Variants in ACP6 observed in about 807,000 individuals in gnomAD.
ACP6 encodes acid phosphatase 6, lysophosphatidic.
In ACP6, 48 loss-of-function variants were observed where a neutral mutation model predicts 48.1. The ratio of observed to expected loss-of-function variants is 1.00; its 90% CI spans 0.79 to 1.27. ACP6 has a LOEUF of 1.27. Ranked by LOEUF, ACP6 falls within the 50% of genes most tolerant of loss-of-function variation. The pLI is 0.00. For missense variants in ACP6, 485 were observed against 529.1 expected, an observed-to-expected ratio of 0.92 and a Z score of 0.82; for synonymous variants, 172 against 204.2, an observed-to-expected ratio of 0.84 and a Z score of 1.34.
intron 8 of ACP6, among the ~76,000 whole-genome samples, chr1:147,649,341 C>T (rs1570951746): frequency 6.6e-6 from 1 of 152,150 alleles, no homozygotes; most frequent in Non-Finnish European, 1.5e-5. Flanking sequence ...TGTTTTCCTG[C>T]AGAACGCACT....
chr1:147,660,650 A>T (rs2148913114), intron 1 of ACP6, among the ~76,000 whole-genome samples: 1 of 152,326 alleles, frequency 6.6e-6, no homozygotes, highest in South Asian at 2.1e-4. Context: ...AAACCTTATT[A>T]GTGCCTGTGA....
Position 147,670,224 on chromosome 1 carries a change from T to C in ACP6, c.-176A>G. ...TCCCGGCCCTGAGGGAGACCCCGAGTGGGAACGGGGGAGAGAACAAGAGGT... is the reference window on the plus strand; with the variant it reads ...TCCCGGCCCTGAGGGAGACCCCGAGCGGGAACGGGGGAGAGAACAAGAGGT... On this transcript the variant is annotated 5_prime_UTR_variant, in exon 1 of 10. Transcript: ENST00000583509. The C allele has an allele frequency of 5.0e-6, 3 of 600,020 alleles. No homozygotes were observed. The highest frequency in any genetic ancestry group is 8.6e-6 in the Non-Finnish European group (3 of 347,944). The allele number at this position is 600,020 out of a possible 1,614,324, so 37.2% of individuals were successfully genotyped here. A position where few individuals can be genotyped will look rare whatever the true frequency, so the allele number is the denominator to read the frequency against.
chr1:147,669,126 T>C (rs2148919557), intron 1 of ACP6, among the ~76,000 whole-genome samples: 1 of 152,228 alleles, frequency 6.6e-6, no homozygotes, highest in East Asian at 1.9e-4. Flanking sequence ...TTAGTCATAA[T>C]TATCCTGACA....
chr1:147,650,275 C>T (rs782299810), intron 7 of ACP6, 37 bp from the exon 8 acceptor site: 2 of 1,479,674 alleles, frequency 1.4e-6, no homozygotes, highest in Non-Finnish European at 1.8e-6. Context: ...ACCTAGAGGG[C>T]ACTCAGCATT....
chr1:147,633,911 T>C (rs149254484), intron 5 of ACP6, among the ~76,000 whole-genome samples: 1 of 152,354 alleles, frequency 6.6e-6, no homozygotes, highest in Non-Finnish European at 1.5e-5. Context: ...TAAGTATACA[T>C]TAATGTGTTA....
intron 5 of ACP6, among the ~76,000 whole-genome samples, chr1:147,632,690 T>C (rs1304756177): frequency 1.3e-5 from 2 of 152,094 alleles, no homozygotes; most frequent in Non-Finnish European, 2.9e-5. Context: ...TGGGAAACAA[T>C]TGGGACCCAC....
downstream of ACP6, among the ~76,000 whole-genome samples, chr1:147,638,479 A>T (rs184759687): frequency 6.6e-6 from 1 of 152,264 alleles, no homozygotes; most frequent in East Asian, 1.9e-4. Flanking sequence ...ATATATATGT[A>T]TATACATATA....
chr1:147,640,784 C>A (rs782773599), downstream of ACP6, among the ~76,000 whole-genome samples: 1 of 152,148 alleles, frequency 6.6e-6, no homozygotes, highest in African/African-American at 2.4e-5. Context: ...AAAGGCCAAA[C>A]GGAGAGCGGA....
At chr1:147,639,268 T>C (rs113757638), downstream of ACP6, among the ~76,000 whole-genome samples, 1,203 of 152,202 alleles carry the variant, frequency 7.9e-3, 16 homozygotes, top group African/African-American at 0.027. Flanking sequence ...TGTTCCATAA[T>C]GTTACCTTAC....
At chr1:147,655,125 T>C (rs1553211356) in intron 5 of ACP6, 36 bp downstream of exon 5, 2 of 1,529,206 alleles carry the variant, frequency 1.3e-6, no homozygotes, top group Non-Finnish European at 1.8e-6. Context: ...TAAAAGGTTG[T>C]CCCCAACTGG....
intron 8 of ACP6, among the ~76,000 whole-genome samples, chr1:147,649,219 C>T (rs1553210085): frequency 6.6e-6 from 1 of 152,178 alleles, no homozygotes; most frequent in African/African-American, 2.4e-5. Flanking sequence ...AGTGCTTCTC[C>T]AAAATTCAGG....
At chr1:147,639,058 T>C (rs1165671852), downstream of ACP6, among the ~76,000 whole-genome samples, 7 of 152,160 alleles carry the variant, frequency 4.6e-5, no homozygotes, top group African/African-American at 1.7e-4. Flanking sequence ...GGTTTTGCCA[T>C]GTTGCTCAGG....
intron 1 of ACP6, among the ~76,000 whole-genome samples, chr1:147,668,642 A>T (rs1413936797): frequency 6.6e-6 from 1 of 152,156 alleles, no homozygotes; most frequent in Non-Finnish European, 1.5e-5. Flanking sequence ...TAGTGATCTA[A>T]TATAAAAAGG....
At chr1:147,639,710 T>C, downstream of ACP6, among the ~76,000 whole-genome samples, 1 of 152,156 alleles carries the variant, frequency 6.6e-6, no homozygotes, top group East Asian at 1.9e-4. Context: ...ACACTCTATT[T>C]CCTTCCAAAT....
intron 1 of ACP6, among the ~76,000 whole-genome samples, chr1:147,661,299 C>A (rs912670849): frequency 8.1e-5 from 11 of 136,116 alleles, no homozygotes; most frequent in Non-Finnish European, 1.5e-4. Flanking sequence ...CAGGCATATA[C>A]CATCATGCCC....
intron 3 of ACP6, 171 bp downstream of exon 3, chr1:147,659,225 C>T (rs1393359452): frequency 3.8e-5 from 41 of 1,089,712 alleles, no homozygotes; most frequent in Non-Finnish European, 5.1e-5. Flanking sequence ...ATGAATGCGA[C>T]CTCCAGGAAC....
At chr1:147,653,443 T>TAA (rs879991731) in intron 6 of ACP6, among the ~76,000 whole-genome samples, 147,583 of 149,492 alleles carry the variant, frequency 0.99, 72,851 homozygotes, top group South Asian at 1. Context: ...TTTTTTAACT[T>TAA]AAAAAAAAAA....
rs1553214637 is a variant in ACP6, at chr1:147,670,377, G to A, written c.-329C>T. On this transcript the variant is annotated 5_prime_UTR_variant, in exon 1 of 10. Transcript: ENST00000583509. ...GAGGAACATTAAACTTGTATTTCAAGTTTGGCCTCCAGCACTCTTGAAGGA... is the reference window on the plus strand; with the variant it reads ...GAGGAACATTAAACTTGTATTTCAAATTTGGCCTCCAGCACTCTTGAAGGA... 4.5e-6 allele frequency: 1 copy of A among 220,770 alleles called. No homozygotes were observed. The allele number at this position is 220,770 out of a possible 1,614,324, so 13.7% of individuals were successfully genotyped here.
intron 7 of ACP6, chr1:147,651,389 A>G (rs1659909351): frequency 6.6e-6 from 1 of 152,232 alleles, no homozygotes; most frequent in African/African-American, 2.4e-5. Context: ...GCACACAGCC[A>G]TGTCTATTTG....
Sources: gnomAD v4.1 joint callset for allele counts (sites outside exome capture counted in the v4.1 genomes callset) on GRCh38, gnomAD v4.1.1 for gene constraint, MANE v1.5 for transcripts, NCBI Gene and HGNC (gene_info 2026-07-23, HGNC 2026-07-21) for gene names.